PELI2: variants seen among roughly 807,000 people sequenced by gnomAD.
The protein encoded by PELI2 is pellino E3 ubiquitin protein ligase family member 2, also known as E3 ubiquitin-protein ligase pellino homolog 2.
In PELI2, 23 loss-of-function variants were observed where a neutral mutation model predicts 42.3. The ratio of observed to expected loss-of-function variants is 0.54; its 90% confidence interval spans 0.39 to 0.77. PELI2 has a LOEUF of 0.77. Among genes scored for constraint, PELI2 ranks in the 30% least tolerant of loss-of-function variants. The pLI is 0.00. For synonymous variants in PELI2, 245 were observed against 212.2 expected, an observed-to-expected ratio of 1.15 and a Z score of -1.34; for missense variants, 463 against 553.2, an observed-to-expected ratio of 0.84 and a Z score of 1.64.
intron 2 of PELI2, among the ~76,000 whole-genome samples, chr14:56,213,513 T>C (rs1886784750): frequency 6.6e-6 from 1 of 152,190 alleles, no homozygotes; most frequent in African/African-American, 2.4e-5. Flanking sequence ...AAAGGCCAGA[T>C]TGCTGAGAAT....
In PELI2 at chr14:56,271,442, G is replaced by C. The variant is rs3783680; in HGVS notation, c.208-8234G>C. Among the ~76,000 whole-genome samples the C allele has an allele frequency of 1.2e-4, 18 of 152,278 alleles. No individual in the cohort carries two copies. The South Asian group carries it at 2.7e-3, about 23-fold the overall frequency. ...TGTATTTCATAACCAGAGCCACTGT[G>C]AGAGGTCAGTATAGTTATTTTTCCA... is the stretch of plus-strand genomic sequence containing the variant. On this transcript the variant is annotated intron_variant, in intron 2 of 5. Coordinates refer to ENST00000267460, the MANE Select transcript of PELI2 (RefSeq NM_021255.3).
At chr14:56,186,883 A>G (rs1051009479) in intron 2 of PELI2, among the ~76,000 whole-genome samples, 5 of 152,326 alleles carry the variant, frequency 3.3e-5, no homozygotes, top group African/African-American at 1.2e-4. Context: ...TTCTATCTGC[A>G]TTTATAATTA....
intron 3 of PELI2, among the ~76,000 whole-genome samples, chr14:56,280,293 AAAGT>A (rs1272373578): frequency 6.6e-6 from 1 of 152,124 alleles, no homozygotes; most frequent in Non-Finnish European, 1.5e-5. Context: ...CTTTTTTGAC[AAAGT>A]ACAGCAATTA....
At chr14:56,149,811 G>A (rs978798003) in intron 1 of PELI2, among the ~76,000 whole-genome samples, 5 of 152,068 alleles carry the variant, frequency 3.3e-5, no homozygotes, top group Admixed American at 2.6e-4. Flanking sequence ...GTATCTTTTA[G>A]GGATTAATAC....
At chr14:56,217,341 C>G (rs1183122072) in intron 2 of PELI2, among the ~76,000 whole-genome samples, 1 of 152,238 alleles carries the variant, frequency 6.6e-6, no homozygotes, top group Non-Finnish European at 1.5e-5. Context: ...GGGGAATGGG[C>G]ATATAACCAG....
intron 2 of PELI2, among the ~76,000 whole-genome samples, chr14:56,213,299 A>T (rs1886775534): frequency 6.6e-6 from 1 of 152,142 alleles, no homozygotes; most frequent in Non-Finnish European, 1.5e-5. Flanking sequence ...AATTACTTTT[A>T]TTTCTGTTTT....
intron 1 of PELI2, among the ~76,000 whole-genome samples, chr14:56,133,714 G>A (rs242396): frequency 0.61 from 92,312 of 152,020 alleles, 29,136 homozygotes; most frequent in African/African-American, 0.8. Flanking sequence ...CACTTCCAGC[G>A]TGATGCCCTT....
chr14:56,181,422 A>G (rs1288339033), intron 2 of PELI2, among the ~76,000 whole-genome samples: 1 of 147,496 alleles, frequency 6.8e-6, no homozygotes, highest in Non-Finnish European at 1.5e-5. Context: ...GGTACTTGGC[A>G]GACACTGGCC....
intron 2 of PELI2, among the ~76,000 whole-genome samples, chr14:56,210,813 G>A (rs1428699624): frequency 1.3e-5 from 2 of 152,354 alleles, no homozygotes; most frequent in East Asian, 3.9e-4. Flanking sequence ...TGGTCGGTAA[G>A]TTGAGGGGGA....
At position 56,301,485 on chromosome 14, in the gene PELI2, C is replaced by A. The variant is rs984634071; in HGVS notation, c.*4319C>A. On this transcript the variant is annotated 3_prime_UTR_variant, in exon 6 of 6. Coordinates refer to ENST00000267460, the MANE Select transcript of PELI2 (RefSeq NM_021255.3). ...ATATTTAAACCTTGATTCTGAAAAT[C>A]CCCTACATTTTTTAATTAAAGAAAT... 2.6e-5 allele frequency: 4 copies of A among 152,238 alleles called. No homozygotes were observed. The highest frequency in any genetic ancestry group is 4.4e-5 in the Non-Finnish European group (3 of 68,012). The allele number at this position is 152,238 out of a possible 1,614,324, so 9.4% of individuals were successfully genotyped here.
intron 2 of PELI2, among the ~76,000 whole-genome samples, chr14:56,258,051 A>G (rs1182548030): frequency 6.6e-6 from 1 of 152,220 alleles, no homozygotes; most frequent in Non-Finnish European, 1.5e-5. Context: ...GTAGCTCACA[A>G]AGGACTGGGA....
intron 1 of PELI2, among the ~76,000 whole-genome samples, chr14:56,160,305 A>G (rs982235425): frequency 3.3e-5 from 5 of 152,294 alleles, no homozygotes; most frequent in African/African-American, 1.2e-4. Flanking sequence ...TTTATGAGGC[A>G]GGAAACAGAC....
intron 2 of PELI2, among the ~76,000 whole-genome samples, chr14:56,198,901 A>C (rs898758993): frequency 6.6e-6 from 1 of 152,192 alleles, no homozygotes; most frequent in African/African-American, 2.4e-5. Context: ...TTTTTGACAA[A>C]GTGAATAATG....
chr14:56,249,395 G>A (rs1326722266), intron 2 of PELI2, among the ~76,000 whole-genome samples: 1 of 152,048 alleles, frequency 6.6e-6, no homozygotes, highest in Non-Finnish European at 1.5e-5. Context: ...GTTAACATCA[G>A]TGTGAAAGCC....
intron 3 of PELI2, among the ~76,000 whole-genome samples, chr14:56,284,449 C>T (rs572697487): frequency 1.1e-4 from 17 of 152,254 alleles, no homozygotes; most frequent in Middle Eastern, 3.4e-3. Context: ...GCCCTGCAGC[C>T]GGTGTTCAGG....
intron 1 of PELI2, among the ~76,000 whole-genome samples, chr14:56,123,805 A>G (rs1595533701): frequency 1.3e-5 from 2 of 152,230 alleles, no homozygotes; most frequent in East Asian, 3.8e-4. Context: ...ACAAAGGACC[A>G]AAACAAAACA....
Position 56,219,594 on chromosome 14 carries a change from C to T in PELI2, c.207+41130C>T, listed in dbSNP as rs1887049134. Reference sequence around the variant, plus strand: ...GAAAGGGTCTCTGAGCTGCCACACACTCATAAGAGGCCTCCTTAGTCCTAC... The same window carrying T: ...GAAAGGGTCTCTGAGCTGCCACACATTCATAAGAGGCCTCCTTAGTCCTAC... On this transcript the variant is annotated intron_variant, in intron 2 of 5. Transcript: ENST00000267460. This position sits in a 1 kb window ranked among gnomAD's most constrained non-coding sequence, Gnocchi z 4.1. 6.6e-6 allele frequency among the ~76,000 whole-genome samples: 1 copy of T among 152,192 alleles called. No individual in the cohort carries two copies. The highest frequency in any genetic ancestry group is 1.5e-5 in the Non-Finnish European group (1 of 68,044).
intron 2 of PELI2, among the ~76,000 whole-genome samples, chr14:56,212,348 C>T (rs1373353704): frequency 6.6e-6 from 1 of 152,206 alleles, no homozygotes; most frequent in East Asian, 1.9e-4. Context: ...ACTATTTCCC[C>T]CTGAACTCTC....
chr14:56,267,978 A>G (rs1432558700), intron 2 of PELI2, among the ~76,000 whole-genome samples: 1 of 152,190 alleles, frequency 6.6e-6, no homozygotes, highest in Non-Finnish European at 1.5e-5. Context: ...GTCATTGGGT[A>G]TCTTAGTATA....
Sources: gnomAD v4.1 joint callset for allele counts (sites outside exome capture counted in the v4.1 genomes callset) on GRCh38, gnomAD v4.1.1 for gene constraint, Gnocchi (gnomAD v3.1) non-coding constraint, MANE v1.5 for transcripts, NCBI Gene and HGNC (gene_info 2026-07-23, HGNC 2026-07-21) for gene names.